Variants in CFAP92 observed in about 807,000 individuals in gnomAD.
CFAP92 encodes the protein uncharacterized protein CFAP92.
A neutral mutation model predicts 106.3 loss-of-function variants in CFAP92; 86 were observed. The observed-to-expected ratio is 0.81, with a 90% confidence interval of 0.68 to 0.97. CFAP92 has a LOEUF of 0.97. CFAP92 is among the 50% of genes least tolerant of loss of function. The pLI is 0.00. For synonymous variants in CFAP92, 477 were observed against 506.4 expected (o/e 0.94, Z 0.78); for missense variants, 1,204 against 1,283.8 (o/e 0.94, Z 0.95).
At chr3:128,928,315 A>G (rs1227570615) in intron 12 of CFAP92, among the ~76,000 whole-genome samples, 2 of 152,220 alleles carry the variant, frequency 1.3e-5, no homozygotes, top group South Asian at 2.1e-4. Flanking sequence ...GAAATTGGCA[A>G]GCTGATCTTA....
rs193093584 is a variant in CFAP92 at position 128,928,247 on chromosome 3, C to T, written c.2751+4453G>A. 5.0e-3 allele frequency among the ~76,000 whole-genome samples: 754 copies of T among 151,940 alleles called. 8 individuals carry two copies. The highest frequency in any genetic ancestry group is 0.017 in the African/African-American group (710 of 41,420). On this transcript the variant is annotated intron_variant, in intron 12 of 15. Transcript: ENST00000645291. The stretch of plus-strand genomic sequence containing the variant: ...CAGCCTGGGTGACAGAGCAAGACTC[C>T]GTCCCAAAAAAAATAAATAAACAAA...
At chr3:128,965,083 C>T (rs1942269834) in intron 9 of CFAP92, among the ~76,000 whole-genome samples, 1 of 152,182 alleles carries the variant, frequency 6.6e-6, no homozygotes, top group South Asian at 2.1e-4. Context: ...TGATGACATT[C>T]CACCATTGTG....
At chr3:129,021,335 A>G in the CFAP92 span, among the ~76,000 whole-genome samples, 1 of 152,216 alleles carries the variant, frequency 6.6e-6, no homozygotes, top group Non-Finnish European at 1.5e-5. Context: ...AGTTGAGGGA[A>G]GGTCACACTT....
upstream of CFAP92, chr3:129,003,676 A>G: frequency 3.9e-6 from 4 of 1,036,932 alleles, no homozygotes; most frequent in Non-Finnish European, 4.9e-6. Context: ...AGACGGCGCA[A>G]GAAACGTGCT....
At position 128,939,362 on chromosome 3, in the gene CFAP92, C is replaced by G. The variant is rs375065196; in HGVS notation, c.2259-4043G>C. Among the ~76,000 whole-genome samples the G allele has an allele frequency of 1.4e-4, 21 of 152,190 alleles. 1 individual carries two copies. Among genetic ancestry groups the G allele is most frequent in the Admixed American group, 5.2e-4 (8 of 15,286 alleles). On this transcript the variant is annotated intron_variant, in intron 10 of 15. Coordinates refer to ENST00000645291, the MANE Select transcript of CFAP92 (RefSeq NM_001394090.1). Reference sequence around the variant, plus strand: ...CCATGTTGGCCAGGCTGGTCTCAAACTCCTGACCTTGGGTAATTGCCCACC... The same window carrying G: ...CCATGTTGGCCAGGCTGGTCTCAAAGTCCTGACCTTGGGTAATTGCCCACC...
intron 15 of CFAP92, chr3:128,910,780 C>T (rs1422513141): frequency 6.2e-7 from 1 of 1,614,210 alleles, no homozygotes; most frequent in Non-Finnish European, 8.5e-7. Flanking sequence ...AGCTTACTTG[C>T]AGAATCTCTT....
upstream of CFAP92, among the ~76,000 whole-genome samples, chr3:129,004,338 C>G (rs1944965554): frequency 6.7e-6 from 1 of 149,694 alleles, no homozygotes; most frequent in African/African-American, 2.5e-5. Context: ...ACACACCCAC[C>G]CATCCATCCA....
chr3:129,016,364 G>A, the CFAP92 span, among the ~76,000 whole-genome samples: 14 of 152,110 alleles, frequency 9.2e-5, no homozygotes, highest in African/African-American at 3.4e-4. Flanking sequence ...TCCATCTACA[G>A]CCAGGCCTAC....
chr3:128,928,811 T>C (rs1475027056), intron 12 of CFAP92, among the ~76,000 whole-genome samples: 1 of 152,114 alleles, frequency 6.6e-6, no homozygotes, highest in Non-Finnish European at 1.5e-5. Context: ...TTAAGAACTT[T>C]TATACTTCAA....
intron 7 of CFAP92, among the ~76,000 whole-genome samples, chr3:128,974,826 A>G (rs924128979): frequency 1.3e-5 from 2 of 151,338 alleles, no homozygotes; most frequent in Non-Finnish European, 2.9e-5. Context: ...CTCTCAGAAA[A>G]AAAAAGAAGA....
chr3:129,006,534 T>C (rs544115546), upstream of CFAP92, among the ~76,000 whole-genome samples: 1 of 152,358 alleles, frequency 6.6e-6, no homozygotes, highest in Admixed American at 6.5e-5. Flanking sequence ...CAGTCTGGTC[T>C]CAAACACCTG....
chr3:128,947,764 A>G (rs1940372324), intron 9 of CFAP92, among the ~76,000 whole-genome samples: 1 of 152,186 alleles, frequency 6.6e-6, no homozygotes, highest in South Asian at 2.1e-4. Context: ...TGAGGCCAGG[A>G]GGTTTGAGGT....
At chr3:129,017,003 T>G in the CFAP92 span, among the ~76,000 whole-genome samples, 2 of 152,198 alleles carry the variant, frequency 1.3e-5, no homozygotes, top group Non-Finnish European at 2.9e-5. Flanking sequence ...AGGACCTGAT[T>G]CATCTTCCAC....
intron 10 of CFAP92, among the ~76,000 whole-genome samples, chr3:128,937,033 C>T (rs1413684716): frequency 6.6e-6 from 1 of 152,040 alleles, no homozygotes; most frequent in Non-Finnish European, 1.5e-5. Context: ...TTTAATTTTG[C>T]TTTCCAAAAA....
upstream of CFAP92, among the ~76,000 whole-genome samples, chr3:129,005,431 G>A (rs1333380723): frequency 6.6e-6 from 1 of 152,272 alleles, no homozygotes; most frequent in South Asian, 2.1e-4. Flanking sequence ...GAGCTGAAGG[G>A]AGGCCCATTT....
At chr3:129,002,424 G>C in intron 1 of CFAP92, 1 of 1,418,746 alleles carries the variant, frequency 7.0e-7, no homozygotes, top group Non-Finnish European at 9.2e-7. Context: ...TCAGAGGAAG[G>C]GGAGACAGAG....
the CFAP92 span, among the ~76,000 whole-genome samples, chr3:129,023,287 C>CTCAG: frequency 4.0e-5 from 6 of 151,380 alleles, no homozygotes; most frequent in Non-Finnish European, 8.8e-5. Flanking sequence ...CAGAGACAGC[C>CTCAG]TCAGGCTAAT....
At chr3:128,958,721 CA>C (rs1941636264) in intron 9 of CFAP92, among the ~76,000 whole-genome samples, 1 of 151,662 alleles carries the variant, frequency 6.6e-6, no homozygotes, top group Admixed American at 6.6e-5. Flanking sequence ...CGCAACATGG[CA>C]AAACCCTGTC....
chr3:128,973,198 A>C (rs1942927086), intron 7 of CFAP92, among the ~76,000 whole-genome samples: 1 of 152,172 alleles, frequency 6.6e-6, no homozygotes, highest in African/African-American at 2.4e-5. Flanking sequence ...ATTTTTTTTA[A>C]ACTAACAGAA....
Sources: gnomAD v4.1 joint callset for allele counts (sites outside exome capture counted in the v4.1 genomes callset) on GRCh38, gnomAD v4.1.1 for gene constraint, MANE v1.5 for transcripts, NCBI Gene and HGNC (gene_info 2026-07-23, HGNC 2026-07-21) for gene names.